PLCG2: variants seen among roughly 807,000 people sequenced by gnomAD.
PLCG2 encodes phospholipase C gamma 2, also known as 1-phosphatidylinositol 4,5-bisphosphate phosphodiesterase gamma-2.
A neutral mutation model predicts 175.6 loss-of-function variants in PLCG2; 69 were observed. The observed-to-expected ratio is 0.39, with a 90% CI of 0.32 to 0.48. The LOEUF (loss-of-function observed/expected upper bound fraction) is 0.48. Ranked by LOEUF, PLCG2 falls within the 20% of genes least tolerant of loss-of-function variation. The probability of loss-of-function intolerance (pLI) is 0.91; values close to 1 mark genes in which losing one functional copy is unlikely to be tolerated. For synonymous variants in PLCG2, 827 were observed against 624.0 expected (o/e 1.33, Z -4.85); for missense variants, 1,798 against 1,650.9 (o/e 1.09, Z -1.54).
Position 81,934,470 on chromosome 16 carries a change from C to T in PLCG2, c.2781C>T (p.Ala927=), listed in dbSNP as rs374334077. ...MKYWEKNQSI[A]IELSDLVVYC... is the part of the protein sequence containing the mutation. ...ACTGGGAGAAGAACCAGTCCATCGCCATCGAGCTCTCTGACCTGGTTGTCT... is the reference window on the plus strand; with the variant it reads ...ACTGGGAGAAGAACCAGTCCATCGCTATCGAGCTCTCTGACCTGGTTGTCT... The change falls in exon 26 of 33, where the codon GCC becomes GCT. Residue 927 remains alanine, a synonymous_variant. Coordinates refer to ENST00000564138, the MANE Select transcript of PLCG2 (RefSeq NM_002661.5). 4 of 1,613,480 alleles carry T rather than the reference C, an allele frequency of 2.5e-6. No homozygotes were observed. The highest frequency in any genetic ancestry group is 2.7e-5 in the African/African-American group (2 of 74,834).
At chr16:81,920,013 A>C (rs1001185172) in intron 20 of PLCG2, among the ~76,000 whole-genome samples, 16 of 152,194 alleles carry the variant, frequency 1.1e-4, no homozygotes, top group African/African-American at 3.9e-4. Context: ...GGAATGAGCC[A>C]TGTGGGTATG....
chr16:81,954,139 C>G (rs1173289352), intron 31 of PLCG2, among the ~76,000 whole-genome samples: 1 of 152,104 alleles, frequency 6.6e-6, no homozygotes, highest in East Asian at 1.9e-4. Context: ...CTTACCCTCT[C>G]AGCCTCCTGA....
At chr16:81,923,627 G>C (rs190549467) in intron 22 of PLCG2, 33 bp downstream of exon 22, 16 of 1,344,918 alleles carry the variant, frequency 1.2e-5, no homozygotes, top group East Asian at 9.2e-5. Context: ...CTGCTCGGCA[G>C]GTGGGCTTGA....
chr16:81,799,975 G>A (rs1911650080), intron 2 of PLCG2, among the ~76,000 whole-genome samples: 1 of 152,180 alleles, frequency 6.6e-6, no homozygotes, highest in Admixed American at 6.5e-5. Context: ...GGGATCCAGG[G>A]TCTGACTGCC....
chr16:81,957,860 G>T, intron 32 of PLCG2, 96 bp from the exon 33 acceptor site: 2 of 1,097,030 alleles, frequency 1.8e-6, no homozygotes, highest in South Asian at 1.3e-5. Context: ...AGCTATGAAT[G>T]ACTGGCAAAT....
rs773444784 is a variant in PLCG2 at position 81,936,318 on chromosome 16, G to C, written c.2992G>C (p.Asp998His). The C allele has an allele frequency of 6.2e-7, 1 of 1,614,130 alleles. No homozygotes were observed. The highest frequency in any genetic ancestry group is 8.5e-7 in the Non-Finnish European group (1 of 1,180,030). The part of the protein sequence containing the change: ...KGQRVDSSNY[D>H]PFRLWLCGSQ... ...ACAAAGAGTTGACTCTTCAAACTAC[G>C]ACCCCTTCCGCCTCTGGCTGTGCGG... Residue 998 changes from aspartate to histidine, a missense_variant, in exon 27 of 33, where the codon GAC becomes CAC. Physicochemically the swap from Asp to His is moderately conservative, Grantham distance 81. Coordinates refer to ENST00000564138, the MANE Select transcript of PLCG2 (RefSeq NM_002661.5).
chr16:81,920,843 G>T lies in PLCG2; in HGVS notation c.2236-355G>T, dbSNP rs114620875. On this transcript the variant is annotated intron_variant, in intron 20 of 32. Transcript: ENST00000564138. Reference sequence around the variant, plus strand: ...AGTTTCAAGTTGTTGATGTGCTGTCGTTGAACCTGGAACGTGGAGTCAGGA... The same window carrying T: ...AGTTTCAAGTTGTTGATGTGCTGTCTTTGAACCTGGAACGTGGAGTCAGGA... 1.8e-4 allele frequency among the ~76,000 whole-genome samples: 27 copies of T among 152,266 alleles called. 1 individual carries two copies. The South Asian group carries it at 1.9e-3, about 11-fold the overall frequency.
intron 32 of PLCG2, among the ~76,000 whole-genome samples, 187 bp downstream of exon 32, chr16:81,957,066 A>G (rs1256046264): frequency 6.6e-6 from 1 of 152,094 alleles, no homozygotes; most frequent in Admixed American, 6.5e-5. Context: ...TGGGAGGCTG[A>G]GGAGGTTGGA....
At chr16:81,941,944 C>T (rs1252525295) in intron 30 of PLCG2, among the ~76,000 whole-genome samples, 2 of 152,060 alleles carry the variant, frequency 1.3e-5, no homozygotes, top group South Asian at 2.1e-4. Flanking sequence ...ACTTTAAACC[C>T]GGCACTGATC....
At chr16:81,864,597 A>G (rs956874053) in intron 5 of PLCG2, among the ~76,000 whole-genome samples, 1 of 152,226 alleles carries the variant, frequency 6.6e-6, no homozygotes, top group African/African-American at 2.4e-5. Flanking sequence ...CCCGCCTCCC[A>G]GGGCAGATGT....
chr16:81,851,796 G>A (rs1002413083), intron 2 of PLCG2, among the ~76,000 whole-genome samples: 3 of 151,242 alleles, frequency 2.0e-5, no homozygotes, highest in Admixed American at 2.0e-4. Context: ...TACAGGCGTG[G>A]GCCACCAGTG....
chr16:81,910,481 C>T (rs760791549), intron 17 of PLCG2, 39 bp from the exon 18 acceptor site: 2 of 1,595,800 alleles, frequency 1.3e-6, no homozygotes, highest in Admixed American at 1.7e-5. Context: ...ATGGCCTGGC[C>T]TGCGTTCTCC....
chr16:81,873,429 C>T (rs575185281), intron 7 of PLCG2, among the ~76,000 whole-genome samples: 29 of 152,236 alleles, frequency 1.9e-4, no homozygotes, highest in African/African-American at 7.0e-4. Context: ...GAACATAGAA[C>T]ATGTCATAGA....
At chr16:81,778,016 C>CAAAAAAAAAAAAAAAAAAAAAAA (rs753644088), upstream of PLCG2, among the ~76,000 whole-genome samples, 2 of 49,082 alleles carry the variant, frequency 4.1e-5, no homozygotes, top group Non-Finnish European at 7.1e-5. Flanking sequence ...GACTTTGTCT[C>CAAAAAAAAAAAAAAAAAAAAAAA]AAAAAAAAAA....
At chr16:81,760,405 T>G (rs1910013260) in intron 2 of PLCG2, among the ~76,000 whole-genome samples, 1 of 152,196 alleles carries the variant, frequency 6.6e-6, no homozygotes, top group Admixed American at 6.6e-5. Flanking sequence ...TGACACCTGC[T>G]TCTCTTGTTG....
rs1910620831 is a variant in PLCG2 at position 81,934,329 on chromosome 16, G to T, written c.2740-100G>T. The T allele has an allele frequency of 5.6e-6, 4 of 716,550 alleles. No individual in the cohort carries two copies. The South Asian group carries it at 6.2e-5, about 11-fold the overall frequency. 44.4% of individuals were successfully genotyped at this position (716,550 alleles called of 1,614,324 possible). On this transcript the variant is annotated intron_variant, in intron 25 of 32. Coordinates refer to ENST00000564138, the MANE Select transcript of PLCG2 (RefSeq NM_002661.5). ...TCAACCATATTAAAGATCCGAGTGT[G>T]CAAGAAAGCAAAGTGGGGATGGAGG...
intron 19 of PLCG2, among the ~76,000 whole-genome samples, chr16:81,914,341 G>T (rs1050053535): frequency 6.6e-6 from 1 of 152,206 alleles, no homozygotes; most frequent in Non-Finnish European, 1.5e-5. Context: ...TCAGGTGGCT[G>T]TACCTTGGGC....
chr16:81,822,597 A>T (rs555688393), intron 2 of PLCG2, among the ~76,000 whole-genome samples: 1 of 151,936 alleles, frequency 6.6e-6, no homozygotes, highest in Non-Finnish European at 1.5e-5. Flanking sequence ...TCTCCACTAA[A>T]AGTGCAAAAA....
At position 81,895,942 on chromosome 16, in the gene PLCG2, T is replaced by G; in HGVS notation, c.1193+15T>G. The G allele has an allele frequency of 6.2e-7, 1 of 1,614,008 alleles. No homozygotes were observed. The highest frequency in any genetic ancestry group is 8.5e-7 in the Non-Finnish European group (1 of 1,179,952). On this transcript the variant is annotated intron_variant, in intron 13 of 32. Transcript: ENST00000564138. ...GTTACCTCGAGGTCAGTTGGCTGATTTCTGGGTGGTGTGACTTAAAGGGGA... is the reference window on the plus strand; with the variant it reads ...GTTACCTCGAGGTCAGTTGGCTGATGTCTGGGTGGTGTGACTTAAAGGGGA...
Sources: allele counts gnomAD v4.1 joint callset (sites outside exome capture counted in the v4.1 genomes callset), GRCh38; gene constraint gnomAD v4.1.1; transcripts MANE v1.5; gene names NCBI Gene and HGNC (gene_info 2026-07-23, HGNC 2026-07-21).